TRPC7: variants seen among roughly 807,000 people sequenced by gnomAD.
TRPC7 encodes short transient receptor potential channel 7.
Under a neutral mutation model 90.1 loss-of-function variants are expected in TRPC7, and 42 were observed. The observed-to-expected ratio is 0.47, with a 90% CI of 0.36 to 0.60. TRPC7 has a LOEUF of 0.60. Among genes scored for constraint, TRPC7 ranks in the 20% least tolerant of loss-of-function variants. The pLI is 0.00. For missense variants in TRPC7, 955 were observed against 1,112.3 expected (o/e 0.86, Z 2.01); for synonymous variants, 451 against 436.3 (o/e 1.03, Z -0.42).
chr5:136,332,721 G>A (rs1759537594), intron 2 of TRPC7, among the ~76,000 whole-genome samples: 1 of 152,194 alleles, frequency 6.6e-6, no homozygotes, highest in African/African-American at 2.4e-5. Flanking sequence ...CAACTAGAAA[G>A]ATAGAGTTAC....
At chr5:136,266,117 C>T (rs1460406633) in intron 5 of TRPC7, 103 bp downstream of exon 5, 2 of 1,042,362 alleles carry the variant, frequency 1.9e-6, no homozygotes, top group East Asian at 4.8e-5. Context: ...TTTTGTCTAT[C>T]AGGAGTACAC....
At chr5:136,320,671 G>A (rs1318054374) in intron 2 of TRPC7, among the ~76,000 whole-genome samples, 3 of 151,900 alleles carry the variant, frequency 2.0e-5, no homozygotes, top group Non-Finnish European at 4.4e-5. Flanking sequence ...ATTTACTGGG[G>A]GTCTCCCCCG....
intron 3 of TRPC7, among the ~76,000 whole-genome samples, chr5:136,293,979 T>C (rs1224656181): frequency 6.6e-6 from 1 of 152,086 alleles, no homozygotes; most frequent in Non-Finnish European, 1.5e-5. Flanking sequence ...CCCTCAGAAA[T>C]AATGCTGCAT....
chr5:136,301,110 A>G (rs1444237448), intron 3 of TRPC7, among the ~76,000 whole-genome samples: 1 of 152,008 alleles, frequency 6.6e-6, no homozygotes. Flanking sequence ...GCTCACTGCA[A>G]CCTCTGCCTC....
chr5:136,216,308 G>T (rs776294627), intron 10 of TRPC7, 33 bp from the exon 11 acceptor site: 3 of 1,578,698 alleles, frequency 1.9e-6, no homozygotes, highest in Admixed American at 3.5e-5. Flanking sequence ...GATCAGACAG[G>T]GCTGGCCTAA....
chr5:136,309,882 A>G (rs917290190), intron 3 of TRPC7, among the ~76,000 whole-genome samples: 1 of 152,208 alleles, frequency 6.6e-6, no homozygotes, highest in Non-Finnish European at 1.5e-5. Flanking sequence ...AACTTGCTCC[A>G]TCTTCACCCC....
chr5:136,218,976 A>C (rs1755363810), intron 10 of TRPC7, among the ~76,000 whole-genome samples: 1 of 152,242 alleles, frequency 6.6e-6, no homozygotes, highest in South Asian at 2.1e-4. Flanking sequence ...AGATTTAACC[A>C]GCATGGAAAT....
intron 3 of TRPC7, among the ~76,000 whole-genome samples, chr5:136,310,189 A>G (rs563695435): frequency 1.8e-3 from 276 of 152,206 alleles, no homozygotes; most frequent in Non-Finnish European, 3.2e-3. Flanking sequence ...ACATGCTTTG[A>G]ACATGTCCTT....
At chr5:136,324,933 C>T (rs1184838956) in intron 2 of TRPC7, among the ~76,000 whole-genome samples, 1 of 152,136 alleles carries the variant, frequency 6.6e-6, no homozygotes, top group Non-Finnish European at 1.5e-5. Context: ...CTCCCCCTCC[C>T]TCCCTTTAGG....
intron 2 of TRPC7, among the ~76,000 whole-genome samples, chr5:136,332,438 T>C (rs1759532044): frequency 6.6e-6 from 1 of 152,006 alleles, no homozygotes; most frequent in East Asian, 1.9e-4. Context: ...TGACATATGA[T>C]TTATGCTGTA....
chr5:136,333,417 G>A (rs1026223032), intron 2 of TRPC7, among the ~76,000 whole-genome samples: 9 of 152,224 alleles, frequency 5.9e-5, no homozygotes, highest in African/African-American at 1.9e-4. Context: ...GTCAGAAGAC[G>A]AGTTAGGAGA....
In TRPC7 at chr5:136,303,294, G is replaced by A. The variant is rs530528175; in HGVS notation, c.963+12303C>T. Reference sequence around the variant, plus strand: ...CTAGACCCTAAAAGGTCAAAAGGCCGTCTTATTCTCAAAATACATTTTATT... The same window carrying A: ...CTAGACCCTAAAAGGTCAAAAGGCCATCTTATTCTCAAAATACATTTTATT... On this transcript the variant is annotated intron_variant, in intron 3 of 11. Transcript: ENST00000513104. 4.6e-5 allele frequency among the ~76,000 whole-genome samples: 7 copies of A among 152,190 alleles called. No homozygotes were observed. The South Asian group carries it at 6.2e-4, about 14-fold the overall frequency.
chr5:136,293,822 C>T (rs1314415264), intron 3 of TRPC7, among the ~76,000 whole-genome samples: 13 of 152,232 alleles, frequency 8.5e-5, no homozygotes, highest in East Asian at 1.9e-4. Context: ...AAAAAGAGCC[C>T]GCATTGCCAG....
In TRPC7 at chr5:136,225,344, T is replaced by A; in HGVS notation, c.2273A>T (p.Tyr758Phe). Residue 758 changes from tyrosine (Y) to phenylalanine (F), a missense_variant, in exon 10 of 12, where the codon TAC becomes TTC. Tyr to Phe is a conservative substitution (Grantham distance 22). Transcript: ENST00000513104. ...TTCAGAATTCCTCATGCCAGCCTGGTAGCGAGTCTTCTGGATAAAACAAAC... is the reference window on the plus strand; with the variant it reads ...TTCAGAATTCCTCATGCCAGCCTGGAAGCGAGTCTTCTGGATAAAACAAAC... ...MLNSKFKKTR[Y>F]QAGMRNSENL... 6.2e-7 allele frequency: 1 copy of A among 1,612,706 alleles called. No individual in the cohort carries two copies. Among genetic ancestry groups the A allele is most frequent in the Non-Finnish European group, 8.5e-7 (1 of 1,179,498 alleles).
At chr5:136,315,916 G>T in intron 2 of TRPC7, 137 bp from the exon 3 acceptor site, 1 of 835,326 alleles carries the variant, frequency 1.2e-6, no homozygotes, top group Non-Finnish European at 1.9e-6. Flanking sequence ...ATGGAACGCA[G>T]CAGGATGTGC....
chr5:136,358,044 G>A (rs901533313), intron 1 of TRPC7, among the ~76,000 whole-genome samples: 4 of 152,234 alleles, frequency 2.6e-5, no homozygotes, highest in South Asian at 2.1e-4. Context: ...CATATCACAC[G>A]TGTCCGTTTC....
intron 3 of TRPC7, among the ~76,000 whole-genome samples, chr5:136,282,071 G>T (rs1477534717): frequency 1.3e-5 from 2 of 152,202 alleles, no homozygotes; most frequent in East Asian, 3.9e-4. Context: ...ACATCCAAAG[G>T]TATTAATATT....
chr5:136,348,053 C>T (rs562456812), intron 2 of TRPC7, among the ~76,000 whole-genome samples: 33 of 152,334 alleles, frequency 2.2e-4, no homozygotes, highest in Non-Finnish European at 4.6e-4. Flanking sequence ...TCTCTTCTTC[C>T]TACATAGGCC....
intron 3 of TRPC7, among the ~76,000 whole-genome samples, chr5:136,285,291 T>C (rs1757676481): frequency 6.6e-6 from 1 of 152,168 alleles, no homozygotes; most frequent in Non-Finnish European, 1.5e-5. Flanking sequence ...GTACATACAC[T>C]TGCTTTCACT....
Sources: allele counts gnomAD v4.1 joint callset (sites outside exome capture counted in the v4.1 genomes callset), GRCh38; gene constraint gnomAD v4.1.1; transcripts MANE v1.5; gene names NCBI Gene and HGNC (gene_info 2026-07-23, HGNC 2026-07-21).